RGP1: variants seen among roughly 807,000 people sequenced by gnomAD.
RGP1 encodes the protein RAB6A-GEF complex partner protein 2.
A neutral mutation model predicts 44.5 loss-of-function variants in RGP1; 28 were observed. The observed-to-expected ratio is 0.63, with a 90% CI of 0.47 to 0.86. The LOEUF (loss-of-function observed/expected upper bound fraction) is 0.86, where lower values mean the gene tolerates loss of function less well. RGP1 is among the 40% of genes least tolerant of loss of function. The pLI is 0.00. For synonymous variants in RGP1, 212 were observed against 196.7 expected, an observed-to-expected ratio of 1.08 and a Z score of -0.65; for missense variants, 417 against 490.7, an observed-to-expected ratio of 0.85 and a Z score of 1.42.
chr9:35,787,411 G>A, the RGP1 span, among the ~76,000 whole-genome samples: 1 of 152,192 alleles, frequency 6.6e-6, no homozygotes, highest in Admixed American at 6.5e-5. Flanking sequence ...TGTATTTTTA[G>A]TAGAGATGGG....
downstream of RGP1, among the ~76,000 whole-genome samples, chr9:35,758,945 C>T (rs1443052596): frequency 6.6e-6 from 1 of 152,082 alleles, no homozygotes; most frequent in Admixed American, 6.5e-5. Flanking sequence ...ATTGTTTATT[C>T]TGCATGGTCC....
the RGP1 span, among the ~76,000 whole-genome samples, chr9:35,764,459 A>G: frequency 2.6e-5 from 4 of 152,252 alleles, no homozygotes; most frequent in African/African-American, 7.2e-5. Context: ...GCTACTATTG[A>G]TAACAAAAAA....
At chr9:35,785,070 G>A in the RGP1 span, among the ~76,000 whole-genome samples, 1 of 152,118 alleles carries the variant, frequency 6.6e-6, no homozygotes, top group African/African-American at 2.4e-5. Flanking sequence ...TGCTCCAAAG[G>A]TTTTTACACC....
chr9:35,768,104 T>A, the RGP1 span, among the ~76,000 whole-genome samples: 1 of 139,226 alleles, frequency 7.2e-6, no homozygotes, highest in Non-Finnish European at 1.6e-5. Flanking sequence ...CCTGGCCAGA[T>A]TTTTTTTTTT....
chr9:35,752,278 T>C (rs76952292), intron 8 of RGP1, 133 bp downstream of exon 8: 85 of 553,292 alleles, frequency 1.5e-4, no homozygotes, highest in Non-Finnish European at 2.2e-4. Context: ...CCCGGAACAG[T>C]TTCTCAGACC....
At chr9:35,769,510 T>C in the RGP1 span, among the ~76,000 whole-genome samples, 3 of 152,222 alleles carry the variant, frequency 2.0e-5, no homozygotes, top group African/African-American at 7.2e-5. Flanking sequence ...AATATTAAGC[T>C]TCAGAAATAT....
Position 35,750,901 on chromosome 9 carries a change from G to A in RGP1, c.399G>A (p.Lys133=). ...GPPSFRGQSV[K]YVYKLTIGCQ... ...CCTCCTTTCGGGGTCAGTCAGTCAA[G>A]TACGTCTACAAACTGACCATTGGCT... Residue 133 remains lysine, a synonymous_variant, in exon 5 of 9, where the codon AAG becomes AAA. Transcript: ENST00000378078. The A allele has an allele frequency of 6.2e-7, 1 of 1,614,022 alleles. No homozygotes were observed. Among genetic ancestry groups the A allele is most frequent in the East Asian group, 2.2e-5 (1 of 44,886 alleles).
chr9:35,789,143 A>G, the RGP1 span, among the ~76,000 whole-genome samples: 4 of 152,064 alleles, frequency 2.6e-5, no homozygotes, highest in Non-Finnish European at 5.9e-5. Context: ...CCAGCCTCCC[A>G]AGTAGCTGGG....
chr9:35,751,859 T>A (rs1289195343), intron 7 of RGP1, 97 bp from the exon 8 acceptor site: 7 of 1,568,118 alleles, frequency 4.5e-6, no homozygotes, highest in Non-Finnish European at 6.1e-6. Flanking sequence ...GATAGTGGGG[T>A]CATCCAGGGT....
chr9:35,772,650 G>C, the RGP1 span, among the ~76,000 whole-genome samples: 1 of 152,086 alleles, frequency 6.6e-6, no homozygotes, highest in South Asian at 2.1e-4. Context: ...AATTAGCCGG[G>C]CGTGGTGGCG....
At position 35,755,242 on chromosome 9, in the gene RGP1, G is replaced by A. The variant is rs1218512680; in HGVS notation, c.*2368G>A. On this transcript the variant is annotated 3_prime_UTR_variant, in exon 9 of 9. Transcript: ENST00000378078. Reference sequence around the variant, plus strand: ...ATGCCAACTCATTGGGCTGTTATGAGGATTACTGAGATAATGCGTGCAGTG... The same window carrying A: ...ATGCCAACTCATTGGGCTGTTATGAAGATTACTGAGATAATGCGTGCAGTG... 1 of 152,216 alleles carries A rather than the reference G, an allele frequency of 6.6e-6. No homozygotes were observed. The highest frequency in any genetic ancestry group is 1.9e-4 in the East Asian group (1 of 5,206). The allele number at this position is 152,216 out of a possible 1,614,324, so 9.4% of individuals were successfully genotyped here.
At chr9:35,790,350 G>GT in the RGP1 span, 1 of 153,768 alleles carries the variant, frequency 6.5e-6, no homozygotes, top group South Asian at 2.1e-4. Flanking sequence ...GGTAAGGGCT[G>GT]TATCATTCGG....
In RGP1 at chr9:35,755,291, T is replaced by A. The variant is rs1827342315; in HGVS notation, c.*2417T>A. The A allele has an allele frequency of 6.6e-6, 1 of 152,244 alleles. No homozygotes were observed. The highest frequency in any genetic ancestry group is 2.4e-5 in the African/African-American group (1 of 41,452). 9.4% of individuals were successfully genotyped at this position (152,244 alleles called of 1,614,324 possible). On this transcript the variant is annotated 3_prime_UTR_variant, in exon 9 of 9. Transcript: ENST00000378078. ...TGCTCTTATCACCATCTCTGGTGCGTAAGCGTCAGGAAATAGCAGTTGCTG... is the reference window on the plus strand; with the variant it reads ...TGCTCTTATCACCATCTCTGGTGCGAAAGCGTCAGGAAATAGCAGTTGCTG...
At position 35,754,013 on chromosome 9, in the gene RGP1, G is replaced by T. The variant is rs1401974682; in HGVS notation, c.*1139G>T. Reference sequence around the variant, plus strand: ...ACCCCACTTTACCTTGAGCTTGGAAGTAGCACTTGCTGTAGACTCCTGGGT... The same window carrying T: ...ACCCCACTTTACCTTGAGCTTGGAATTAGCACTTGCTGTAGACTCCTGGGT... On this transcript the variant is annotated 3_prime_UTR_variant, in exon 9 of 9. Coordinates refer to ENST00000378078, the MANE Select transcript of RGP1 (RefSeq NM_001080496.3). The T allele has an allele frequency of 3.7e-6, 6 of 1,613,288 alleles. No homozygotes were observed. Among genetic ancestry groups the T allele is most frequent in the African/African-American group, 1.3e-5 (1 of 74,878 alleles).
the RGP1 span, among the ~76,000 whole-genome samples, chr9:35,775,273 T>C: frequency 6.6e-6 from 1 of 152,252 alleles, no homozygotes; most frequent in African/African-American, 2.4e-5. Context: ...GTGAATATGG[T>C]GGAAGAGCTG....
At chr9:35,752,195 T>C in intron 8 of RGP1, 50 bp downstream of exon 8, 1 of 1,484,298 alleles carries the variant, frequency 6.7e-7, no homozygotes, top group Non-Finnish European at 9.0e-7. Context: ...AGTAAAATGC[T>C]GTGCTAAGGG....
At chr9:35,788,518 A>T in the RGP1 span, among the ~76,000 whole-genome samples, 1 of 151,752 alleles carries the variant, frequency 6.6e-6, no homozygotes, top group Non-Finnish European at 1.5e-5. Context: ...GTGAGCCGAG[A>T]TTGCGCCACT....
In RGP1 at chr9:35,750,224, C is replaced by G. The variant is rs1433888799; in HGVS notation, c.117-19C>G. 7 of 1,610,960 alleles carry G rather than the reference C, an allele frequency of 4.3e-6. No individual in the cohort carries two copies. Among genetic ancestry groups the G allele is most frequent in the African/African-American group, 1.3e-5 (1 of 74,864 alleles). ...AGGTCAGGAACTACCTCTGATGCCT[C>G]CTTTTCCTTTTCCCACAGTGAGGCC... is the stretch of plus-strand genomic sequence containing the variant. On this transcript the variant is annotated intron_variant, in intron 2 of 8. Coordinates refer to ENST00000378078, the MANE Select transcript of RGP1 (RefSeq NM_001080496.3).
chr9:35,750,223 T>C lies in RGP1; in HGVS notation c.117-20T>C, dbSNP rs1425357719. 6.2e-7 allele frequency: 1 copy of C among 1,610,612 alleles called. No individual in the cohort carries two copies. ...GAGGTCAGGAACTACCTCTGATGCC[T>C]CCTTTTCCTTTTCCCACAGTGAGGC... is the stretch of plus-strand genomic sequence containing the variant. On this transcript the variant is annotated intron_variant, in intron 2 of 8. Coordinates refer to ENST00000378078, the MANE Select transcript of RGP1 (RefSeq NM_001080496.3).
Sources: gnomAD v4.1 joint callset for allele counts (sites outside exome capture counted in the v4.1 genomes callset) on GRCh38, gnomAD v4.1.1 for gene constraint, MANE v1.5 for transcripts, NCBI Gene and HGNC (gene_info 2026-07-23, HGNC 2026-07-21) for gene names.